CHLSN: variants seen among roughly 807,000 people sequenced by gnomAD.
The protein encoded by CHLSN is protein cholesin.
chr7:986,545 G>T, the CHLSN span: 10 of 1,535,522 alleles, frequency 6.5e-6, no homozygotes, highest in Admixed American at 3.5e-5. Flanking sequence ...GAACACAGCC[G>T]CTGGGGACGA....
the CHLSN span, among the ~76,000 whole-genome samples, chr7:1,136,451 T>A: frequency 1.7e-5 from 2 of 119,954 alleles, no homozygotes; most frequent in Non-Finnish European, 3.1e-5. Context: ...TAAATATATA[T>A]AAACATATAT....
At chr7:1,065,496 C>A in the CHLSN span, among the ~76,000 whole-genome samples, 2 of 152,258 alleles carry the variant, frequency 1.3e-5, no homozygotes, top group Non-Finnish European at 2.9e-5. Context: ...ATGGACCCAC[C>A]GGGGACAGGC....
chr7:1,089,543 C>T, the CHLSN span, among the ~76,000 whole-genome samples: 381 of 152,050 alleles, frequency 2.5e-3, 2 homozygotes, highest in African/African-American at 8.9e-3. Context: ...CTCAGCCTCC[C>T]GAGTAGCTGG....
chr7:1,069,174 A>G, the CHLSN span, among the ~76,000 whole-genome samples: 2 of 152,270 alleles, frequency 1.3e-5, no homozygotes, highest in African/African-American at 2.4e-5. Context: ...TGTACTAAAA[A>G]TACAAAATTA....
chr7:1,001,905 G>GA, the CHLSN span, among the ~76,000 whole-genome samples: 6 of 95,282 alleles, frequency 6.3e-5, no homozygotes, highest in East Asian at 3.2e-4. Context: ...TCCTGTGGGT[G>GA]GGGAGTCCTG....
the CHLSN span, chr7:1,010,249 G>T: frequency 1.9e-6 from 2 of 1,039,536 alleles, no homozygotes; most frequent in Non-Finnish European, 1.4e-6. Flanking sequence ...GTGGCCAAAA[G>T]CTCTGTCCCC....
At chr7:1,018,312 T>C in the CHLSN span, among the ~76,000 whole-genome samples, 1 of 152,170 alleles carries the variant, frequency 6.6e-6, no homozygotes, top group Non-Finnish European at 1.5e-5. Context: ...AAAGCACGTC[T>C]TTCTTCTCAC....
At chr7:1,044,609 C>G in the CHLSN span, 1 of 151,186 alleles carries the variant, frequency 6.6e-6, no homozygotes, top group African/African-American at 2.4e-5. Context: ...CTCCGCCAGC[C>G]CGAGCTGCCC....
chr7:1,032,475 C>T, the CHLSN span, among the ~76,000 whole-genome samples: 965 of 150,980 alleles, frequency 6.4e-3, 9 homozygotes, highest in African/African-American at 0.022. Flanking sequence ...CAGGCACCCC[C>T]AGGTGACAGT....
chr7:1,038,662 G>T, the CHLSN span, among the ~76,000 whole-genome samples: 380 of 97,928 alleles, frequency 3.9e-3, no homozygotes, highest in Non-Finnish European at 4.3e-3. Context: ...GAGGTGGGGG[G>T]GTCAGCCCCC....
At chr7:1,129,860 C>G in the CHLSN span, among the ~76,000 whole-genome samples, 2 of 152,198 alleles carry the variant, frequency 1.3e-5, no homozygotes, top group Non-Finnish European at 2.9e-5. Flanking sequence ...AGAGAAATAC[C>G]ATTTTTAGTG....
chr7:1,017,545 G>A, the CHLSN span, among the ~76,000 whole-genome samples: 1 of 152,224 alleles, frequency 6.6e-6, no homozygotes, highest in African/African-American at 2.4e-5. Flanking sequence ...CTGGATGGCA[G>A]GGGAGGTGGG....
chr7:985,019 T>C, the CHLSN span: 6 of 1,611,810 alleles, frequency 3.7e-6, no homozygotes, highest in Admixed American at 5.0e-5. Context: ...CTGCACAGCC[T>C]GGGCGTGGGC....
At chr7:987,513 C>T in the CHLSN span, 16 of 1,530,044 alleles carry the variant, frequency 1.0e-5, no homozygotes, top group African/African-American at 2.7e-5. Context: ...CACAGCTGGG[C>T]GGCTTCCTGC....
At chr7:1,023,217 T>C in the CHLSN span, among the ~76,000 whole-genome samples, 2 of 152,096 alleles carry the variant, frequency 1.3e-5, no homozygotes, top group African/African-American at 2.4e-5. This position sits in a 1 kb window ranked among gnomAD's most constrained non-coding sequence, Gnocchi z 5.0. Context: ...ATTTACAAGG[T>C]CTGGTGGCTC....
At chr7:1,036,024 G>A in the CHLSN span, among the ~76,000 whole-genome samples, 1 of 152,166 alleles carries the variant, frequency 6.6e-6, no homozygotes, top group Non-Finnish European at 1.5e-5. Context: ...AAGGCTGCAC[G>A]CTGTGGGGTC....
At chr7:1,022,852 G>A in the CHLSN span, 2 of 346,060 alleles carry the variant, frequency 5.8e-6, no homozygotes, top group Non-Finnish European at 1.2e-5. Flanking sequence ...CACTGCATCA[G>A]AAGACCCACG....
the CHLSN span, chr7:989,062 C>T: frequency 2.2e-6 from 1 of 458,286 alleles, no homozygotes; most frequent in Non-Finnish European, 3.9e-6. Flanking sequence ...TGCCAGCCCC[C>T]AGGAGCGCCT....
the CHLSN span, among the ~76,000 whole-genome samples, chr7:991,528 C>G: frequency 6.6e-6 from 1 of 152,186 alleles, no homozygotes. Context: ...GGAGGTGCCA[C>G]CTTCTCGACC....
Sources: gnomAD v4.1 joint callset for allele counts (sites outside exome capture counted in the v4.1 genomes callset) on GRCh38, gnomAD v4.1.1 for gene constraint, Gnocchi (gnomAD v3.1) non-coding constraint, MANE v1.5 for transcripts, NCBI Gene and HGNC (gene_info 2026-07-23, HGNC 2026-07-21) for gene names.